TAF4B: variants seen among roughly 807,000 people sequenced by gnomAD.
TAF4B encodes the protein transcription initiation factor TFIID subunit 4B.
Under a neutral mutation model 86.4 loss-of-function variants are expected in TAF4B, and 38 were observed. The ratio of observed to expected loss-of-function variants is 0.44; its 90% CI spans 0.34 to 0.58. The LOEUF is 0.58. Among genes scored for constraint, TAF4B ranks in the 20% least tolerant of loss-of-function variants. The pLI, the probability that TAF4B is intolerant of heterozygous loss-of-function variation, is 0.02. For synonymous variants in TAF4B, 388 were observed against 391.2 expected, an observed-to-expected ratio of 0.99 and a Z score of 0.10; for missense variants, 988 against 1,027.6, an observed-to-expected ratio of 0.96 and a Z score of 0.53.
intron 14 of TAF4B, among the ~76,000 whole-genome samples, chr18:26,365,124 C>T (rs561883950): frequency 6.6e-6 from 1 of 151,122 alleles, no homozygotes; most frequent in Admixed American, 6.6e-5. Context: ...CTCCTGCCTC[C>T]GCCTCCCAGG....
intron 14 of TAF4B, chr18:26,366,299 A>G (rs528944394): frequency 6.6e-6 from 1 of 152,354 alleles, no homozygotes; most frequent in Admixed American, 6.5e-5. Context: ...TGAAATATAT[A>G]TAAAAATGTG....
intron 1 of TAF4B, among the ~76,000 whole-genome samples, chr18:26,251,783 T>C (rs1315722095): frequency 6.6e-6 from 1 of 152,200 alleles, no homozygotes; most frequent in African/African-American, 2.4e-5. Context: ...TATTATATTA[T>C]TGCTTCTCAT....
At chr18:26,317,489 T>G (rs1676997) in intron 10 of TAF4B, among the ~76,000 whole-genome samples, 53,667 of 152,122 alleles carry the variant, frequency 0.35, 11,588 homozygotes, top group East Asian at 0.81. Flanking sequence ...ATATGGTTTC[T>G]GTCACAATTG....
At chr18:26,255,080 A>G (rs574123419) in intron 1 of TAF4B, among the ~76,000 whole-genome samples, 1 of 152,114 alleles carries the variant, frequency 6.6e-6, no homozygotes, top group African/African-American at 2.4e-5. Flanking sequence ...TGCCCCAACC[A>G]CTGCTTCTCA....
chr18:26,344,053 A>C (rs1339902134), intron 13 of TAF4B, among the ~76,000 whole-genome samples: 1 of 152,218 alleles, frequency 6.6e-6, no homozygotes, highest in Non-Finnish European at 1.5e-5. Flanking sequence ...GAAAAATAGA[A>C]ACTCCCAGCA....
chr18:26,281,510 A>T (rs1308615662), intron 5 of TAF4B, among the ~76,000 whole-genome samples: 1 of 152,216 alleles, frequency 6.6e-6, no homozygotes, highest in African/African-American at 2.4e-5. Flanking sequence ...AAGTACTTCT[A>T]CTAATTCTGG....
At chr18:26,227,394 C>A in intron 1 of TAF4B, 118 bp downstream of exon 1, 2 of 870,968 alleles carry the variant, frequency 2.3e-6, no homozygotes, top group Non-Finnish European at 3.6e-6. Flanking sequence ...ATAATCTTGA[C>A]TTTACAGTTA....
chr18:26,266,616 C>G (rs1318905410), intron 2 of TAF4B, among the ~76,000 whole-genome samples: 2 of 152,102 alleles, frequency 1.3e-5, no homozygotes, highest in African/African-American at 4.8e-5. Context: ...AATCCCAGCA[C>G]TTTGGGAGGC....
In TAF4B at chr18:26,267,678, C is replaced by A. The variant is rs1362902604; in HGVS notation, c.597+55C>A. On this transcript the variant is annotated intron_variant, in intron 3 of 14. Coordinates refer to ENST00000269142, the MANE Select transcript of TAF4B (RefSeq NM_005640.3). Reference sequence around the variant, plus strand: ...TTGTTCTCTTAACTTTTAAAAAAATCATTTAGCTATCTCCTGTTAGATATG... The same window carrying A: ...TTGTTCTCTTAACTTTTAAAAAAATAATTTAGCTATCTCCTGTTAGATATG... The A allele has an allele frequency of 5.7e-6, 7 of 1,235,802 alleles. 1 individual carries two copies. Among genetic ancestry groups the A allele is most frequent in the South Asian group, 2.5e-5 (2 of 81,410 alleles). 76.6% of individuals were successfully genotyped at this position (1,235,802 alleles called of 1,614,324 possible). A position where few individuals can be genotyped will look rare whatever the true frequency, so the allele number is the denominator to read the frequency against.
Position 26,285,899 on chromosome 18 carries a change from A to G in TAF4B, c.990A>G (p.Leu330=), listed in dbSNP as rs187495825. ...VPFLKKSVVA[L]RQLLPNSQSF... is the part of the protein sequence containing the mutation. Reference sequence around the variant, plus strand: ...ATTTCCAGAAAAGCGTGGTTGCCTTACGACAACTTCTGCCTAACTCCCAGA... The same window carrying G: ...ATTTCCAGAAAAGCGTGGTTGCCTTGCGACAACTTCTGCCTAACTCCCAGA... The change falls in exon 7 of 15, where the codon TTA becomes TTG. Residue 330 remains leucine, a synonymous_variant. Transcript: ENST00000269142. 136 of 1,607,792 alleles carry G rather than the reference A, an allele frequency of 8.5e-5. No individual in the cohort carries two copies. The highest frequency in any genetic ancestry group is 2.6e-6 in the Non-Finnish European group (3 of 1,175,746).
At chr18:26,364,413 A>G (rs2057354826) in intron 14 of TAF4B, among the ~76,000 whole-genome samples, 2 of 143,834 alleles carry the variant, frequency 1.4e-5, no homozygotes, top group Non-Finnish European at 3.2e-5. Flanking sequence ...CCGTACAGAT[A>G]TTGATACAGT....
intron 13 of TAF4B, among the ~76,000 whole-genome samples, chr18:26,350,859 A>G (rs933279922): frequency 6.6e-6 from 1 of 152,230 alleles, no homozygotes; most frequent in African/African-American, 2.4e-5. Context: ...CTATTACCAA[A>G]AAGACAAAAA....
intron 9 of TAF4B, among the ~76,000 whole-genome samples, chr18:26,307,270 CG>C (rs35481350): frequency 0.23 from 34,522 of 151,888 alleles, 4,469 homozygotes; most frequent in Non-Finnish European, 0.3. Context: ...TTACACTTTT[CG>C]GGGGGATTCA....
chr18:26,237,061 C>G (rs374343842), intron 1 of TAF4B, among the ~76,000 whole-genome samples: 7 of 152,176 alleles, frequency 4.6e-5, no homozygotes, highest in African/African-American at 1.4e-4. Flanking sequence ...CTTAGTCCTT[C>G]TAGAACACAG....
chr18:26,245,403 C>T (rs375802679), intron 1 of TAF4B, among the ~76,000 whole-genome samples: 32 of 152,140 alleles, frequency 2.1e-4, no homozygotes, highest in Middle Eastern at 6.8e-3. Flanking sequence ...CTGTGAAGAG[C>T]GATAGAACAA....
intron 7 of TAF4B, among the ~76,000 whole-genome samples, chr18:26,287,860 T>C (rs1461455679): frequency 6.6e-6 from 1 of 152,124 alleles, no homozygotes; most frequent in Admixed American, 6.5e-5. Flanking sequence ...AATTGGAGAG[T>C]AGTCAGACTC....
intron 1 of TAF4B, among the ~76,000 whole-genome samples, chr18:26,262,246 C>T (rs1196626695): frequency 1.3e-5 from 2 of 151,930 alleles, no homozygotes; most frequent in African/African-American, 4.8e-5. Flanking sequence ...CAAGTGACTT[C>T]CTCCTCCCGG....
chr18:26,245,017 G>A (rs899485571), intron 1 of TAF4B, among the ~76,000 whole-genome samples: 1 of 152,118 alleles, frequency 6.6e-6, no homozygotes, highest in Non-Finnish European at 1.5e-5. Flanking sequence ...AGGAAAAGTG[G>A]AAGCTGGTTC....
chr18:26,285,214 TTTTTTTTG>T (rs1445384626), intron 6 of TAF4B, among the ~76,000 whole-genome samples: 8 of 94,938 alleles, frequency 8.4e-5, no homozygotes, highest in South Asian at 3.5e-4. Context: ...CCTTTCCTTT[TTTTTTTTG>T]TTTTTTTTTT....
Sources: allele counts gnomAD v4.1 joint callset (sites outside exome capture counted in the v4.1 genomes callset), GRCh38; gene constraint gnomAD v4.1.1; transcripts MANE v1.5; gene names NCBI Gene and HGNC (gene_info 2026-07-23, HGNC 2026-07-21).